PCDH9: variants seen among roughly 807,000 people sequenced by gnomAD.
PCDH9 encodes protocadherin 9, also known as protocadherin-9.
A neutral mutation model predicts 70.6 loss-of-function variants in PCDH9; 24 were observed. The ratio of observed to expected loss-of-function variants is 0.34; its 90% CI spans 0.25 to 0.48. PCDH9 has a LOEUF of 0.48. PCDH9 is among the 20% of genes least tolerant of loss of function. The pLI is 0.99. For missense variants in PCDH9, 1,281 were observed against 1,503.6 expected, an observed-to-expected ratio of 0.85 and a Z score of 2.45; for synonymous variants, 562 against 558.5, an observed-to-expected ratio of 1.01 and a Z score of -0.09.
intron 4 of PCDH9, among the ~76,000 whole-genome samples, chr13:66,408,036 A>C (rs1456843378): frequency 6.6e-6 from 1 of 151,148 alleles, no homozygotes; most frequent in East Asian, 2.0e-4. Flanking sequence ...ACAAAGTTTT[A>C]TCAGCAGGGA....
At chr13:66,551,652 C>T (rs957907247) in intron 4 of PCDH9, among the ~76,000 whole-genome samples, 1 of 152,078 alleles carries the variant, frequency 6.6e-6, no homozygotes. Flanking sequence ...CAGAAACAAA[C>T]TTTGGTTAAT....
At chr13:66,561,684 A>G (rs1962043975) in intron 4 of PCDH9, among the ~76,000 whole-genome samples, 1 of 151,838 alleles carries the variant, frequency 6.6e-6, no homozygotes, top group Non-Finnish European at 1.5e-5. Context: ...TTGTGTTGAC[A>G]CTCTGTATCT....
intron 2 of PCDH9, among the ~76,000 whole-genome samples, chr13:67,185,838 T>C (rs1044635068): frequency 6.6e-5 from 10 of 152,212 alleles, no homozygotes; most frequent in African/African-American, 2.4e-4. Context: ...ATTCAAGCAG[T>C]TCTCCTGCTT....
At chr13:66,411,503 G>GT (rs1566305297) in intron 4 of PCDH9, among the ~76,000 whole-genome samples, 1 of 152,070 alleles carries the variant, frequency 6.6e-6, no homozygotes, top group East Asian at 1.9e-4. Context: ...TCCCAGCCTG[G>GT]TCTTAAACTC....
intron 4 of PCDH9, among the ~76,000 whole-genome samples, chr13:66,476,347 A>G (rs1021323017): frequency 2.6e-5 from 4 of 152,068 alleles, no homozygotes; most frequent in African/African-American, 9.7e-5. Context: ...TGTTAGTAAT[A>G]CACAAATTGT....
At position 67,113,454 on chromosome 13, in the gene PCDH9, A is replaced by G. The variant is rs373798401; in HGVS notation, c.3036+111951T>C. Reference sequence around the variant, plus strand: ...AAGAAATATTCTCCCACAAATTGCAAGTAATATAAGACTGTTCCTCTCGTC... The same window carrying G: ...AAGAAATATTCTCCCACAAATTGCAGGTAATATAAGACTGTTCCTCTCGTC... On this transcript the variant is annotated intron_variant, in intron 2 of 4. Coordinates refer to ENST00000377865, the MANE Select transcript of PCDH9 (RefSeq NM_203487.3). 4.6e-5 allele frequency among the ~76,000 whole-genome samples: 7 copies of G among 152,296 alleles called. No homozygotes were observed. The East Asian group carries it at 1.4e-3, about 29-fold the overall frequency.
At chr13:66,992,877 T>C (rs1033964699) in intron 2 of PCDH9, among the ~76,000 whole-genome samples, 1 of 149,646 alleles carries the variant, frequency 6.7e-6, no homozygotes, top group African/African-American at 2.5e-5. Context: ...AGTGAAAGTG[T>C]TGCGTCACTT....
intron 3 of PCDH9, among the ~76,000 whole-genome samples, chr13:66,738,237 C>A (rs1204493353): frequency 6.6e-6 from 1 of 151,186 alleles, no homozygotes; most frequent in Non-Finnish European, 1.5e-5. Context: ...GGCACACTGA[C>A]ACCTCACACG....
chr13:66,717,777 T>C (rs1336195797), intron 3 of PCDH9, among the ~76,000 whole-genome samples: 1 of 152,026 alleles, frequency 6.6e-6, no homozygotes, highest in Admixed American at 6.6e-5. Flanking sequence ...ATGTCAACTC[T>C]TCCTAGATCT....
chr13:66,635,859 G>C (rs1016262598), intron 3 of PCDH9, among the ~76,000 whole-genome samples: 4 of 152,070 alleles, frequency 2.6e-5, no homozygotes, highest in Admixed American at 6.6e-5. Context: ...GCATAAAATA[G>C]TCTAAAGGTA....
chr13:66,849,276 A>G (rs1182009023), intron 3 of PCDH9, among the ~76,000 whole-genome samples: 1 of 151,968 alleles, frequency 6.6e-6, no homozygotes, highest in Non-Finnish European at 1.5e-5. Flanking sequence ...TAATTTGGCA[A>G]TGCATGTGGT....
chr13:67,092,369 A>G (rs2086234851), intron 2 of PCDH9, among the ~76,000 whole-genome samples: 1 of 151,706 alleles, frequency 6.6e-6, no homozygotes, highest in African/African-American at 2.4e-5. Context: ...TATGTAGCAA[A>G]GCAAAACTTC....
At chr13:66,442,733 C>A (rs1324275617) in intron 4 of PCDH9, among the ~76,000 whole-genome samples, 1 of 151,622 alleles carries the variant, frequency 6.6e-6, no homozygotes, top group African/African-American at 2.4e-5. Context: ...GGGGACAGTA[C>A]GAATTTAGTG....
chr13:67,145,885 A>G (rs1013823699), intron 2 of PCDH9, among the ~76,000 whole-genome samples: 3 of 152,106 alleles, frequency 2.0e-5, no homozygotes, highest in Admixed American at 6.6e-5. Flanking sequence ...ATAAAATGAC[A>G]CCAAAATCAT....
chr13:66,817,474 C>T (rs1200010675), intron 3 of PCDH9, among the ~76,000 whole-genome samples: 2 of 152,108 alleles, frequency 1.3e-5, no homozygotes, highest in Non-Finnish European at 2.9e-5. Context: ...ATAGAAACTA[C>T]ATGAGCATAT....
chr13:66,768,762 T>A (rs2139268200), intron 3 of PCDH9, among the ~76,000 whole-genome samples: 1 of 152,216 alleles, frequency 6.6e-6, no homozygotes, highest in Admixed American at 6.5e-5. Flanking sequence ...ATCTATGTCC[T>A]AGAGGAGATT....
chr13:66,849,486 G>GTA (rs144181181), intron 3 of PCDH9, among the ~76,000 whole-genome samples: 32 of 90,254 alleles, frequency 3.5e-4, no homozygotes, highest in East Asian at 1.7e-3. Flanking sequence ...TCATAGGTAG[G>GTA]TATATATATA....
At chr13:66,652,077 C>A (rs1018097180) in intron 3 of PCDH9, among the ~76,000 whole-genome samples, 9 of 151,976 alleles carry the variant, frequency 5.9e-5, no homozygotes, top group Non-Finnish European at 1.2e-4. Flanking sequence ...AACCGAAAAC[C>A]TTTCCTCTAA....
intron 3 of PCDH9, among the ~76,000 whole-genome samples, chr13:66,772,539 T>A (rs1457387239): frequency 6.6e-6 from 1 of 152,182 alleles, no homozygotes; most frequent in Non-Finnish European, 1.5e-5. Flanking sequence ...CTGATAAAAT[T>A]AACTTAATCA....
Sources: gnomAD v4.1 joint callset for allele counts (sites outside exome capture counted in the v4.1 genomes callset) on GRCh38, gnomAD v4.1.1 for gene constraint, MANE v1.5 for transcripts, NCBI Gene and HGNC (gene_info 2026-07-23, HGNC 2026-07-21) for gene names.